MTSS1: variants seen among roughly 807,000 people sequenced by gnomAD.
The protein encoded by MTSS1 is protein MTSS 1.
Under a neutral mutation model 79.0 loss-of-function variants are expected in MTSS1, and 18 were observed. That is an observed-to-expected ratio of 0.23 (90% CI 0.16 to 0.34). MTSS1 has a LOEUF of 0.34. MTSS1 is among the 10% of genes least tolerant of loss of function. The pLI, the probability that MTSS1 is intolerant of heterozygous loss-of-function variation, is 1.00. For missense variants in MTSS1, 815 were observed against 986.2 expected (o/e 0.83, Z 2.33); for synonymous variants, 341 against 368.6 (o/e 0.93, Z 0.86).
At chr8:124,711,804 C>T (rs1415248532) in intron 1 of MTSS1, among the ~76,000 whole-genome samples, 1 of 151,974 alleles carries the variant, frequency 6.6e-6, no homozygotes, top group Non-Finnish European at 1.5e-5. Context: ...CTCAGGAGTT[C>T]GAGACCAGCC....
At chr8:124,568,686 C>T (rs773247411) in intron 6 of MTSS1, 150 bp from the exon 7 acceptor site, 3 of 1,478,206 alleles carry the variant, frequency 2.0e-6, no homozygotes, top group East Asian at 4.9e-5. Context: ...GGATTTAAGG[C>T]AGCTGTTTTT....
At chr8:124,601,596 G>A (rs1833827589) in intron 3 of MTSS1, among the ~76,000 whole-genome samples, 1 of 152,200 alleles carries the variant, frequency 6.6e-6, no homozygotes, top group Non-Finnish European at 1.5e-5. Context: ...CTCTCAGAGA[G>A]CCCAGAAGTC....
chr8:124,690,193 G>A (rs775082773), intron 3 of MTSS1, among the ~76,000 whole-genome samples: 8 of 152,174 alleles, frequency 5.3e-5, no homozygotes, highest in Non-Finnish European at 1.2e-4. Context: ...ATAATTCACC[G>A]GCATTGATGA....
chr8:124,684,668 T>C (rs1361808919), intron 3 of MTSS1, among the ~76,000 whole-genome samples: 1 of 152,188 alleles, frequency 6.6e-6, no homozygotes, highest in Non-Finnish European at 1.5e-5. Context: ...CCGGGTTCCA[T>C]CACTGGCCCC....
At chr8:124,611,842 C>A (rs561816989) in intron 3 of MTSS1, among the ~76,000 whole-genome samples, 2 of 152,326 alleles carry the variant, frequency 1.3e-5, no homozygotes, top group South Asian at 4.1e-4. Context: ...GTAAAATGAT[C>A]TTGATCTCAG....
intron 3 of MTSS1, among the ~76,000 whole-genome samples, chr8:124,627,804 A>G (rs1380462382): frequency 1.3e-5 from 2 of 152,242 alleles, no homozygotes; most frequent in Admixed American, 6.5e-5. Flanking sequence ...GCACAGGGAG[A>G]CAGTGTGAAC....
intron 6 of MTSS1, chr8:124,580,206 C>T (rs112553823): frequency 3.4e-5 from 8 of 237,916 alleles, no homozygotes; most frequent in African/African-American, 8.9e-5. Context: ...TACATACATA[C>T]GCAGGTATAT....
chr8:124,609,224 A>G (rs1033733605), intron 3 of MTSS1, among the ~76,000 whole-genome samples: 5 of 152,178 alleles, frequency 3.3e-5, no homozygotes, highest in African/African-American at 1.2e-4. Context: ...TGCTGCTGGG[A>G]CAGTCTCCTG....
intron 3 of MTSS1, among the ~76,000 whole-genome samples, chr8:124,656,476 T>TA (rs397973325): frequency 1.3e-4 from 19 of 150,844 alleles, no homozygotes; most frequent in African/African-American, 4.4e-4. Context: ...TTTTTTTTTT[T>TA]AAATGAAAAT....
chr8:124,656,882 A>T (rs921701568), intron 3 of MTSS1, among the ~76,000 whole-genome samples: 2 of 151,926 alleles, frequency 1.3e-5, no homozygotes, highest in Non-Finnish European at 2.9e-5. Flanking sequence ...CAACATGGGG[A>T]TAGAGGAAGC....
intron 3 of MTSS1, among the ~76,000 whole-genome samples, chr8:124,624,293 C>T (rs1023787998): frequency 3.9e-5 from 6 of 152,120 alleles, no homozygotes; most frequent in Admixed American, 6.5e-5. Context: ...AATGGCTCCG[C>T]GTTCAGACAG....
At chr8:124,589,761 G>T (rs1336086471) in intron 4 of MTSS1, 50 bp from the exon 5 acceptor site, 2 of 1,283,108 alleles carry the variant, frequency 1.6e-6, no homozygotes, top group South Asian at 1.2e-5. Context: ...GATACATTCT[G>T]TTGTCAGGAT....
chr8:124,568,595 C>T (rs1168259454), intron 6 of MTSS1, 59 bp from the exon 7 acceptor site: 3 of 1,608,680 alleles, frequency 1.9e-6, no homozygotes, highest in Non-Finnish European at 2.6e-6. Flanking sequence ...GGAACAAGTG[C>T]CCCTCCTCCC....
intron 3 of MTSS1, among the ~76,000 whole-genome samples, chr8:124,615,440 A>ACATAATGCT (rs1182693244): frequency 1.3e-5 from 2 of 152,298 alleles, no homozygotes; most frequent in Non-Finnish European, 2.9e-5. Context: ...AGCTCTGAGG[A>ACATAATGCT]CATAATGCTA....
At chr8:124,704,311 G>T (rs760090133) in intron 1 of MTSS1, 120 bp from the exon 2 acceptor site, 1 of 880,140 alleles carries the variant, frequency 1.1e-6, no homozygotes, top group Non-Finnish European at 1.9e-6. Context: ...TTCCTTTGCA[G>T]GTCTGCAATA....
chr8:124,673,769 T>C (rs6999708), intron 3 of MTSS1, among the ~76,000 whole-genome samples: 122,799 of 152,202 alleles, frequency 0.81, 50,278 homozygotes, highest in African/African-American at 0.95. Context: ...TTTTTTTCCT[T>C]TCTCTTTTTT....
chr8:124,553,019 G>A lies in MTSS1; in HGVS notation c.2241C>T (p.Asn747=), dbSNP rs144852138. The change falls in exon 14 of 14, where the codon AAC becomes AAT. Residue 747 remains asparagine, a synonymous_variant. Transcript: ENST00000518547. The surrounding 1 kb of genome is among the most constrained non-coding windows in gnomAD (Gnocchi z 6.0). ...RGVKLKKTTT[N]DRSAPRFS ...AAGAAAAGCGAGGGGCTGAGCGATC[G>A]TTTGTCGTGGTCTTCTTCAGTTTCA... The A allele has an allele frequency of 1.9e-5, 30 of 1,613,564 alleles. No homozygotes were observed. The highest frequency in any genetic ancestry group is 8.0e-5 in the African/African-American group (6 of 74,884).
chr8:124,606,486 C>T (rs983601363), intron 3 of MTSS1, among the ~76,000 whole-genome samples: 1 of 152,026 alleles, frequency 6.6e-6, no homozygotes, highest in Admixed American at 6.6e-5. Flanking sequence ...ACAGATGAGG[C>T]CAAGGGTACT....
chr8:124,662,336 C>G (rs900352605), intron 3 of MTSS1, among the ~76,000 whole-genome samples: 1 of 152,172 alleles, frequency 6.6e-6, no homozygotes, highest in African/African-American at 2.4e-5. Flanking sequence ...GCACCAAGAA[C>G]AGTGATACGA....
Sources: allele counts gnomAD v4.1 joint callset (sites outside exome capture counted in the v4.1 genomes callset), GRCh38; gene constraint gnomAD v4.1.1; non-coding constraint Gnocchi (gnomAD v3.1); transcripts MANE v1.5; gene names NCBI Gene and HGNC (gene_info 2026-07-23, HGNC 2026-07-21).